RYR3: variants seen among roughly 807,000 people sequenced by gnomAD.
RYR3 encodes the protein ryanodine receptor 3, also known as brain ryanodine receptor-calcium release channel.
RYR3 carries 207 observed loss-of-function variants against 584.3 expected under a neutral mutation model. That is an observed-to-expected ratio of 0.35 (90% CI 0.32 to 0.40). RYR3 has a LOEUF of 0.40. RYR3 is among the 10% of genes least tolerant of loss of function. The pLI, the probability that RYR3 is intolerant of heterozygous loss-of-function variation, is 1.00. For synonymous variants in RYR3, 2,416 were observed against 2,248.5 expected, an observed-to-expected ratio of 1.07 and a Z score of -2.11; for missense variants, 5,616 against 6,089.2, an observed-to-expected ratio of 0.92 and a Z score of 2.59.
chr15:33,669,852 G>A (rs1403730028), intron 37 of RYR3, among the ~76,000 whole-genome samples: 1 of 40,520 alleles, frequency 2.5e-5, no homozygotes, highest in Non-Finnish European at 6.5e-5. Context: ...GTGGGGGGGG[G>A]GGGGGGTGTG....
intron 2 of RYR3, among the ~76,000 whole-genome samples, chr15:33,491,010 G>A (rs2217807): frequency 0.59 from 88,963 of 151,920 alleles, 26,189 homozygotes; most frequent in Middle Eastern, 0.67. Flanking sequence ...TTTTGTATTG[G>A]ATGGGGCCAG....
rs747793013 is a variant in RYR3 at position 33,530,625 on chromosome 15, T to C, written c.313T>C (p.Tyr105His). 1.2e-6 allele frequency: 2 copies of C among 1,613,674 alleles called. No homozygotes were observed. Among genetic ancestry groups the C allele is most frequent in the African/African-American group, 1.3e-5 (1 of 74,908 alleles). ...AQGGGHRTLL[Y>H]GHAVLLRHSF... ...AGGAGGTGGCCACAGGACCCTGTTA[T>C]ACGGCCATGCAGTTCTCCTGAGGCA... Residue 105 changes from tyrosine to histidine, a missense_variant, in exon 4 of 104, where the codon TAC becomes CAC. Physicochemically the swap from Tyr to His is moderately conservative, Grantham distance 83 (BLOSUM62 2). Around this residue, in one of 9 missense-constraint regions of RYR3, gnomAD observed 1,284 missense variants for 1,344.6 expected, o/e 0.95. Transcript: ENST00000634891.
chr15:33,796,944 C>T (rs897386040), intron 67 of RYR3, among the ~76,000 whole-genome samples: 26 of 152,154 alleles, frequency 1.7e-4, no homozygotes, highest in Admixed American at 4.6e-4. Flanking sequence ...AGGACAAAAT[C>T]GTGTCTTTTA....
In RYR3 at chr15:33,601,560, C is replaced by G; in HGVS notation, c.1922+8C>G. 1.3e-6 allele frequency: 2 copies of G among 1,599,102 alleles called. No homozygotes were observed. The highest frequency in any genetic ancestry group is 1.7e-6 in the Non-Finnish European group (2 of 1,167,506). On this transcript the variant is annotated splice_region_variant and intron_variant, in intron 17 of 103. Transcript: ENST00000634891. ...GATTAACGATGTAACCAGGTAAGGC[C>G]ACCACCACCATTCCAAATGCCAAGC...
chr15:33,864,083 C>T (rs11072759), intron 102 of RYR3, 55 bp from the exon 103 acceptor site: 5 of 1,332,526 alleles, frequency 3.8e-6, no homozygotes, highest in African/African-American at 3.0e-5. Flanking sequence ...TTAATCCATG[C>T]GAATGAACTT....
At chr15:33,665,054 C>T (rs2063418559) in intron 36 of RYR3, among the ~76,000 whole-genome samples, 2 of 152,148 alleles carry the variant, frequency 1.3e-5, no homozygotes, top group South Asian at 2.1e-4. Flanking sequence ...GCTATTTTTC[C>T]AAGAATTACT....
chr15:33,679,243 G>A (rs897409412), intron 38 of RYR3, among the ~76,000 whole-genome samples: 1 of 136,890 alleles, frequency 7.3e-6, no homozygotes, highest in African/African-American at 2.8e-5. Context: ...TCATTTCTCT[G>A]CCAGCAATCA....
chr15:33,511,848 G>T (rs561842580), intron 3 of RYR3, among the ~76,000 whole-genome samples: 2 of 152,072 alleles, frequency 1.3e-5, no homozygotes, highest in Non-Finnish European at 2.9e-5. Flanking sequence ...GCGCGATCTC[G>T]GCTCACTGCA....
chr15:33,440,770 A>C (rs1278172364), intron 1 of RYR3, among the ~76,000 whole-genome samples: 2 of 152,240 alleles, frequency 1.3e-5, no homozygotes, highest in Non-Finnish European at 2.9e-5. Context: ...CTCTTTAAAT[A>C]TGCAGACGAG....
chr15:33,705,410 T>C (rs966177269), intron 42 of RYR3, among the ~76,000 whole-genome samples: 1 of 150,792 alleles, frequency 6.6e-6, no homozygotes, highest in South Asian at 2.1e-4. Context: ...ACAGCTACTA[T>C]GTGCTAGGCC....
chr15:33,560,260 A>G (rs769643226), intron 10 of RYR3, among the ~76,000 whole-genome samples: 1 of 152,178 alleles, frequency 6.6e-6, no homozygotes, highest in Non-Finnish European at 1.5e-5. Flanking sequence ...GTTGTTTTTC[A>G]TATGGATTTT....
intron 16 of RYR3, among the ~76,000 whole-genome samples, chr15:33,596,299 A>G (rs1213875788): frequency 2.0e-5 from 3 of 152,066 alleles, no homozygotes; most frequent in Non-Finnish European, 2.9e-5. Flanking sequence ...GATTTAATAT[A>G]GCTTTATATT....
At position 33,768,287 on chromosome 15, in the gene RYR3, A is replaced by G. The variant is rs555100785; in HGVS notation, c.8706-371A>G. ...TGCAATCCATTGCAACAAGGGGAAAATCATGCTTTTTTCCGGAGTCTTCAT... is the reference window on the plus strand; with the variant it reads ...TGCAATCCATTGCAACAAGGGGAAAGTCATGCTTTTTTCCGGAGTCTTCAT... On this transcript the variant is annotated intron_variant, in intron 60 of 103. Coordinates refer to ENST00000634891, the MANE Select transcript of RYR3 (RefSeq NM_001036.6). 1.4e-4 allele frequency among the ~76,000 whole-genome samples: 22 copies of G among 152,218 alleles called. No individual in the cohort carries two copies. The South Asian group carries it at 2.1e-3, about 14-fold the overall frequency.
At chr15:33,362,437 G>GCATCAGCAT (rs1169395764) in intron 1 of RYR3, among the ~76,000 whole-genome samples, 2 of 152,056 alleles carry the variant, frequency 1.3e-5, no homozygotes, top group Non-Finnish European at 1.5e-5. Flanking sequence ...AGCAGCAGCA[G>GCATCAGCAT]CATCAGCATC....
At chr15:33,547,569 T>C (rs1041440575) in intron 8 of RYR3, among the ~76,000 whole-genome samples, 19 of 152,110 alleles carry the variant, frequency 1.2e-4, no homozygotes, top group African/African-American at 4.3e-4. Flanking sequence ...AAATTTTATT[T>C]CAAAACACAT....
chr15:33,531,647 A>AT (rs5811767), intron 4 of RYR3, among the ~76,000 whole-genome samples: 62,307 of 137,450 alleles, frequency 0.45, 13,839 homozygotes, highest in Admixed American at 0.59. Context: ...ATATATATAT[A>AT]TTTTTTTTTC....
chr15:33,587,671 T>C (rs2152526594), intron 16 of RYR3, among the ~76,000 whole-genome samples: 1 of 152,328 alleles, frequency 6.6e-6, no homozygotes, highest in South Asian at 2.1e-4. Flanking sequence ...GTTGAAGCAA[T>C]GTGATCTTGG....
chr15:33,425,333 G>C (rs1596075910), intron 1 of RYR3, among the ~76,000 whole-genome samples: 2 of 152,190 alleles, frequency 1.3e-5, no homozygotes, highest in Non-Finnish European at 2.9e-5. Context: ...CTGTCTGTTT[G>C]CTGGAGAGGC....
At chr15:33,552,249 C>A (rs1437872407) in intron 10 of RYR3, among the ~76,000 whole-genome samples, 1 of 152,188 alleles carries the variant, frequency 6.6e-6, no homozygotes, top group East Asian at 1.9e-4. Context: ...CAGCACTGTG[C>A]TGTGGTCTCT....
Sources: allele counts gnomAD v4.1 joint callset (sites outside exome capture counted in the v4.1 genomes callset), GRCh38; gene constraint gnomAD v4.1.1; regional missense constraint gnomAD v4.1.1; transcripts MANE v1.5; gene names NCBI Gene and HGNC (gene_info 2026-07-23, HGNC 2026-07-21).